The following ECHS1 variants were observed in gnomAD, a reference collection of about 807,000 sequenced individuals.
The protein encoded by ECHS1 is enoyl-CoA hydratase, short chain 1, also known as enoyl-CoA hydratase, mitochondrial.
In ECHS1, 19 loss-of-function variants were observed where a neutral mutation model predicts 33.5. The ratio of observed to expected loss-of-function variants is 0.57; its 90% CI spans 0.40 to 0.83. The LOEUF (loss-of-function observed/expected upper bound fraction) is 0.83. Among genes scored for constraint, ECHS1 ranks in the 40% least tolerant of loss-of-function variants. The pLI, the probability that ECHS1 is intolerant of heterozygous loss-of-function variation, is 0.00. For missense variants in ECHS1, 365 were observed against 381.3 expected (o/e 0.96, Z 0.36); for synonymous variants, 158 against 146.6 (o/e 1.08, Z -0.56).
At chr10:133,366,545 A>C (rs989106193) in intron 5 of ECHS1, among the ~76,000 whole-genome samples, 1 of 152,264 alleles carries the variant, frequency 6.6e-6, no homozygotes, top group Non-Finnish European at 1.5e-5. Flanking sequence ...CCAGGTCCTC[A>C]GGACCCAAAA....
intron 4 of ECHS1, 111 bp from the exon 5 acceptor site, chr10:133,367,104 G>T: frequency 1.2e-6 from 1 of 832,056 alleles, no homozygotes; most frequent in Non-Finnish European, 1.9e-6. Context: ...CTGAGACTAG[G>T]TCCAGGGGTC....
chr10:133,369,040 T>C lies in ECHS1; in HGVS notation c.415-18A>G, dbSNP rs376200814. On this transcript the variant is annotated intron_variant, in intron 3 of 7. Coordinates refer to ENST00000368547, the MANE Select transcript of ECHS1 (RefSeq NM_004092.4). ...CCGCCAAACTGTAAAACATTCGGCATCAGGAGAGTCTTACCAGGGGAACCC... is the reference window on the plus strand; with the variant it reads ...CCGCCAAACTGTAAAACATTCGGCACCAGGAGAGTCTTACCAGGGGAACCC... The C allele has an allele frequency of 2.5e-6, 4 of 1,611,124 alleles. No individual in the cohort carries two copies. The highest frequency in any genetic ancestry group is 1.7e-5 in the Admixed American group (1 of 59,860).
At chr10:133,363,039 A>T (rs1463194836) in intron 7 of ECHS1, 106 bp from the exon 8 acceptor site, 19 of 1,320,912 alleles carry the variant, frequency 1.4e-5, no homozygotes, top group Non-Finnish European at 1.8e-5. Flanking sequence ...TCATGCTCAC[A>T]GGGGCCCAGG....
At chr10:133,364,240 G>A (rs77113883) in intron 7 of ECHS1, among the ~76,000 whole-genome samples, 1,858 of 152,176 alleles carry the variant, frequency 0.012, 24 homozygotes, top group African/African-American at 0.026. Context: ...CACCGCGCCC[G>A]GCCTCATTTT....
chr10:133,372,091 C>T (rs924771335), intron 1 of ECHS1, among the ~76,000 whole-genome samples: 2 of 152,220 alleles, frequency 1.3e-5, no homozygotes, highest in Admixed American at 6.5e-5. Context: ...TGTGCCCCGC[C>T]GTATCCTGTG....
At chr10:133,369,077 A>C in intron 3 of ECHS1, 55 bp from the exon 4 acceptor site, 1 of 1,538,032 alleles carries the variant, frequency 6.5e-7, no homozygotes, top group South Asian at 1.1e-5. Flanking sequence ...GTCAGAAATC[A>C]CTCTGCTTGC....
intron 5 of ECHS1, among the ~76,000 whole-genome samples, chr10:133,366,326 C>T (rs1440387653): frequency 2.6e-5 from 4 of 152,222 alleles, no homozygotes; most frequent in Non-Finnish European, 5.9e-5. Flanking sequence ...GCCACAGCTC[C>T]GACGGCAGAG....
At chr10:133,370,815 T>C in intron 1 of ECHS1, 58 bp from the exon 2 acceptor site, 2 of 1,541,566 alleles carry the variant, frequency 1.3e-6, no homozygotes, top group Non-Finnish European at 8.8e-7. Flanking sequence ...CTGGGGAGAG[T>C]GGGGGAAGGG....
rs587776498 is a variant in ECHS1 at position 133,373,329 on chromosome 10, G to A, written c.5C>T (p.Ala2Val). 46 of 1,502,630 alleles carry A rather than the reference G, an allele frequency of 3.1e-5. No individual in the cohort carries two copies. The highest frequency in any genetic ancestry group is 8.5e-5 in the East Asian group (3 of 35,330). The allele number at this position is 1,502,630 out of a possible 1,614,324, so 93.1% of individuals were successfully genotyped here. The change falls in exon 1 of 8, where the codon GCC becomes GTC. Residue 2 changes from alanine to valine, a missense_variant. Physicochemically the swap from Ala to Val is moderately conservative, Grantham distance 64. Transcript: ENST00000368547. M[A>V]ALRVLLSCVR... ...GCAGGACAGCAGGACACGCAGGGCG[G>A]CCATGGCTCTCTGGACTCCTCGCCC...
chr10:133,366,199 C>T (rs1278738551), intron 5 of ECHS1, 104 bp from the exon 6 acceptor site: 3 of 1,392,468 alleles, frequency 2.2e-6, no homozygotes, highest in African/African-American at 1.4e-5. Flanking sequence ...GCACCCCAGC[C>T]TCTGGACGCT....
intron 4 of ECHS1, 108 bp from the exon 5 acceptor site, chr10:133,367,101 TAGGTCC>T: frequency 1.1e-6 from 1 of 872,768 alleles, no homozygotes; most frequent in Non-Finnish European, 1.8e-6. Flanking sequence ...GCCCTGAGAC[TAGGTCC>T]AGGGGTCAGA....
In ECHS1 at chr10:133,369,252, C is replaced by A. The variant is rs542430901; in HGVS notation, c.415-230G>T. 3.9e-5 allele frequency among the ~76,000 whole-genome samples: 6 copies of A among 152,282 alleles called. No homozygotes were observed. In the South Asian group the frequency reaches 1.2e-3, roughly 32 times the overall value. On this transcript the variant is annotated intron_variant, in intron 3 of 7. Coordinates refer to ENST00000368547, the MANE Select transcript of ECHS1 (RefSeq NM_004092.4). ...TAAAGGACCATGAGGGTCTTACAGG[C>A]TCTGCTGCCACGACTCAACTCTGCT...
At chr10:133,371,143 G>T (rs1298237488) in intron 1 of ECHS1, among the ~76,000 whole-genome samples, 6 of 151,992 alleles carry the variant, frequency 3.9e-5, no homozygotes, top group African/African-American at 1.4e-4. Context: ...CGGGTGTTGT[G>T]GCGGGCGCCT....
chr10:133,373,070 G>GGGGTGCGGGTAGGGGTCAGGTGA (rs1370121810), intron 1 of ECHS1, among the ~76,000 whole-genome samples, 176 bp downstream of exon 1: 1 of 112,550 alleles, frequency 8.9e-6, no homozygotes, highest in East Asian at 2.8e-4. Flanking sequence ...CAGGCGGAGT[G>GGGGTGCGGGTAGGGGTCAGGTGA]GGGTGCGGGT....
chr10:133,372,636 G>A (rs892074390), intron 1 of ECHS1, among the ~76,000 whole-genome samples: 14 of 151,662 alleles, frequency 9.2e-5, no homozygotes, highest in Non-Finnish European at 1.3e-4. Flanking sequence ...CGGGCCTCCC[G>A]CAGGACGTGG....
rs1217077295 is a variant in ECHS1 at position 133,366,852 on chromosome 10, T to C, written c.619+37A>G. 3 of 1,544,070 alleles carry C rather than the reference T, an allele frequency of 1.9e-6. No individual in the cohort carries two copies. The Admixed American group carries it at 5.0e-5, about 26-fold the overall frequency. On this transcript the variant is annotated intron_variant, in intron 5 of 7. Coordinates refer to ENST00000368547, the MANE Select transcript of ECHS1 (RefSeq NM_004092.4). ...GTTTCTGTGGGGCTCCCACCCCGGG[T>C]TTCCAGGTGGCTCTTGCGGGCAGCC...
chr10:133,372,345 G>A (rs987906609), intron 1 of ECHS1, among the ~76,000 whole-genome samples: 1 of 152,194 alleles, frequency 6.6e-6, no homozygotes, highest in African/African-American at 2.4e-5. Context: ...GGTGATGGCC[G>A]CTCATGAGTG....
Position 133,366,002 on chromosome 10 carries a change from GCTA to G in ECHS1, c.710_712del (p.Val237del). 6.2e-7 allele frequency: 1 copy of G among 1,613,902 alleles called. No homozygotes were observed. The highest frequency in any genetic ancestry group is 8.5e-7 in the Non-Finnish European group (1 of 1,180,016). On this transcript the variant is annotated inframe_deletion, in exon 6 of 8. Coordinates refer to ENST00000368547, the MANE Select transcript of ECHS1 (RefSeq NM_004092.4). ...TGCATTCACTGATTCTTTGGCCATC[GCTA>G]CTACAATTTTAGAATTGCTGGCAAT... is the stretch of plus-strand genomic sequence containing the variant.
chr10:133,370,510 C>T (rs1849089997), intron 2 of ECHS1, 50 bp downstream of exon 2: 5 of 1,451,468 alleles, frequency 3.4e-6, no homozygotes, highest in South Asian at 1.5e-5. Context: ...CAAGGCCATA[C>T]GTGCCTCCCA....
Sources: gnomAD v4.1 joint callset for allele counts (sites outside exome capture counted in the v4.1 genomes callset) on GRCh38, gnomAD v4.1.1 for gene constraint, MANE v1.5 for transcripts, NCBI Gene and HGNC (gene_info 2026-07-23, HGNC 2026-07-21) for gene names.